Variants in FAM240A observed in about 807,000 individuals in gnomAD.
FAM240A encodes the protein protein FAM240A.
A neutral mutation model predicts 7.3 loss-of-function variants in FAM240A; 8 were observed. The observed-to-expected ratio is 1.09, with a 90% CI of 0.64 to 1.97. The LOEUF (loss-of-function observed/expected upper bound fraction) is 1.97, where lower values mean the gene tolerates loss of function less well. FAM240A is among the 30% of genes most tolerant of loss of function. The pLI is 0.00. For synonymous variants in FAM240A, 32 were observed against 35.9 expected (o/e 0.89, Z 0.38); for missense variants, 90 against 102.2 (o/e 0.88, Z 0.52).
Position 46,617,339 on chromosome 3 carries a change from T to C in FAM240A, c.161+11T>C, listed in dbSNP as rs1475109157. 6.6e-7 allele frequency: 1 copy of C among 1,510,762 alleles called. No individual in the cohort carries two copies. The highest frequency in any genetic ancestry group is 1.3e-5 in the South Asian group (1 of 79,136). 93.6% of individuals were successfully genotyped at this position (1,510,762 alleles called of 1,614,324 possible). ...AAGCGCACTGAGAAAGTATGTGGCT[T>C]GTTTGTCTACTTTTTAGAATTAATT... On this transcript the variant is annotated intron_variant, in intron 2 of 2. Coordinates refer to ENST00000640551, the MANE Select transcript of FAM240A (RefSeq NM_001195442.2).
rs1306087056 is a variant in FAM240A, at chr3:46,625,113, G to A, written c.162-15G>A. 16 of 1,523,990 alleles carry A rather than the reference G, an allele frequency of 1.0e-5. No individual in the cohort carries two copies. Among genetic ancestry groups the A allele is most frequent in the South Asian group, 1.2e-5 (1 of 83,744 alleles). 94.4% of individuals were successfully genotyped at this position (1,523,990 alleles called of 1,614,324 possible). A position where few individuals can be genotyped will look rare whatever the true frequency, so the allele number is the denominator to read the frequency against. The stretch of plus-strand genomic sequence containing the variant: ...AAATGAATGCTCCATCTGTGTGTTT[G>A]GTTTCTATTTTCAGGCTCAGAGAAG... On this transcript the variant is annotated splice_polypyrimidine_tract_variant and intron_variant, in intron 2 of 2. Coordinates refer to ENST00000640551, the MANE Select transcript of FAM240A (RefSeq NM_001195442.2).
At chr3:46,613,537 A>G (rs991045142) in intron 1 of FAM240A, among the ~76,000 whole-genome samples, 4 of 152,126 alleles carry the variant, frequency 2.6e-5, no homozygotes, top group Admixed American at 6.5e-5. Flanking sequence ...AAAACAAGAC[A>G]CAGAACATTT....
rs111864834 is a variant in FAM240A at position 46,615,850 on chromosome 3, G to GCACACACACA, written c.16-1323_16-1314dup. Among the ~76,000 whole-genome samples the GCACACACACA allele has an allele frequency of 5.5e-3, 827 of 150,334 alleles. 7 individuals carry two copies. The highest frequency in any genetic ancestry group is 0.019 in the African/African-American group (765 of 41,022). On this transcript the variant is annotated intron_variant, in intron 1 of 2. Transcript: ENST00000640551. ...CACACAAGAGCCCACATGTGTGCACGCACACACACACACACACACCTCAAA... is the reference window on the plus strand; with the variant it reads ...CACACAAGAGCCCACATGTGTGCACGCACACACACACACACACACACACACACACCTCAAA...
In FAM240A at chr3:46,625,892, C is replaced by T. The variant is rs1271000089; in HGVS notation, c.*674C>T. On this transcript the variant is annotated 3_prime_UTR_variant, in exon 3 of 3. Coordinates refer to ENST00000640551, the MANE Select transcript of FAM240A (RefSeq NM_001195442.2). ...TTATTTTAATCTCTGCATGTTTACA[C>T]TGGTTGGCTCTCTGTCAGCCCAGCC... The T allele has an allele frequency of 6.6e-6, 1 of 152,196 alleles. No individual in the cohort carries two copies. The highest frequency in any genetic ancestry group is 1.9e-4 in the East Asian group (1 of 5,200). 9.4% of individuals were successfully genotyped at this position (152,196 alleles called of 1,614,324 possible). A position where few individuals can be genotyped will look rare whatever the true frequency, so the allele number is the denominator to read the frequency against.
At chr3:46,624,982 T>TA in intron 2 of FAM240A, 146 bp from the exon 3 acceptor site, 2 of 227,998 alleles carry the variant, frequency 8.8e-6, no homozygotes, top group African/African-American at 2.3e-5. Context: ...TATATATATA[T>TA]TTAAACTTGC....
At chr3:46,619,590 G>T (rs1029741422) in intron 2 of FAM240A, among the ~76,000 whole-genome samples, 1 of 152,196 alleles carries the variant, frequency 6.6e-6, no homozygotes, top group Non-Finnish European at 1.5e-5. Context: ...GGATCTGAGC[G>T]TTTCTTTCTG....
At position 46,625,418 on chromosome 3, in the gene FAM240A, C is replaced by T. The variant is rs1467091255; in HGVS notation, c.*200C>T. On this transcript the variant is annotated 3_prime_UTR_variant, in exon 3 of 3. Coordinates refer to ENST00000640551, the MANE Select transcript of FAM240A (RefSeq NM_001195442.2). The stretch of plus-strand genomic sequence containing the variant: ...GCCAAGTCAGTCCTCTGTGCATGGG[C>T]GCCAGGTTATTATCCCAAATGTCTC... The T allele has an allele frequency of 3.6e-5, 13 of 359,426 alleles. No homozygotes were observed. The highest frequency in any genetic ancestry group is 9.1e-5 in the Admixed American group (2 of 21,930). 22.3% of individuals were successfully genotyped at this position (359,426 alleles called of 1,614,324 possible).
intron 1 of FAM240A, among the ~76,000 whole-genome samples, chr3:46,612,958 C>T (rs1250336769): frequency 2.0e-5 from 3 of 152,202 alleles, no homozygotes; most frequent in East Asian, 1.9e-4. Context: ...ACCAGGAAAC[C>T]GAAACACAAA....
chr3:46,612,969 TACTC>T (rs1244496115), intron 1 of FAM240A, among the ~76,000 whole-genome samples: 1 of 152,136 alleles, frequency 6.6e-6, no homozygotes, highest in Non-Finnish European at 1.5e-5. Context: ...GAAACACAAA[TACTC>T]ACGGAAACAC....
At chr3:46,612,835 T>C in intron 1 of FAM240A, 137 bp downstream of exon 1, 1 of 711,640 alleles carries the variant, frequency 1.4e-6, no homozygotes, top group South Asian at 1.7e-5. Flanking sequence ...GATGGCGTTT[T>C]GGGCAGAGGG....
intron 1 of FAM240A, among the ~76,000 whole-genome samples, chr3:46,613,460 A>G (rs978616377): frequency 6.6e-6 from 1 of 150,954 alleles, no homozygotes; most frequent in Admixed American, 6.6e-5. Context: ...TGCCACTGCA[A>G]TCCAGCCTGG....
chr3:46,617,590 G>A (rs1697645810), intron 2 of FAM240A, among the ~76,000 whole-genome samples: 1 of 152,114 alleles, frequency 6.6e-6, no homozygotes, highest in Non-Finnish European at 1.5e-5. Context: ...TGCCAGATGG[G>A]CATCTTAGAG....
At chr3:46,615,333 C>CCTCCTCCT (rs1460688039) in intron 1 of FAM240A, among the ~76,000 whole-genome samples, 2 of 127,130 alleles carry the variant, frequency 1.6e-5, no homozygotes. Flanking sequence ...TCCCCATAGC[C>CCTCCTCCT]CTCCTCCTCC....
intron 1 of FAM240A, among the ~76,000 whole-genome samples, chr3:46,613,426 G>A (rs913107579): frequency 6.6e-6 from 1 of 151,880 alleles, no homozygotes; most frequent in African/African-American, 2.4e-5. Flanking sequence ...CCCAGGAGGT[G>A]GAGGTTGCAG....
chr3:46,625,031 T>C (rs9829227), intron 2 of FAM240A, 97 bp from the exon 3 acceptor site: 73,825 of 748,304 alleles, frequency 0.099, 4,925 homozygotes, highest in East Asian at 0.33. Context: ...AACACATACA[T>C]GCAATTTCAG....
At chr3:46,618,377 C>T (rs1697653939) in intron 2 of FAM240A, among the ~76,000 whole-genome samples, 1 of 152,168 alleles carries the variant, frequency 6.6e-6, no homozygotes, top group South Asian at 2.1e-4. Context: ...CTATGCCACT[C>T]AGAGTCCTGT....
intron 2 of FAM240A, among the ~76,000 whole-genome samples, chr3:46,624,806 T>C (rs1697737922): frequency 6.6e-6 from 1 of 152,038 alleles, no homozygotes. Context: ...TGTTGAAAGA[T>C]AGGTTTGCTG....
At chr3:46,625,044 G>T in intron 2 of FAM240A, 84 bp from the exon 3 acceptor site, 15 of 954,856 alleles carry the variant, frequency 1.6e-5, no homozygotes, top group Non-Finnish European at 2.4e-5. Context: ...AATTTCAGGG[G>T]CTGGGAGGAC....
intron 2 of FAM240A, among the ~76,000 whole-genome samples, chr3:46,622,488 G>A (rs1192969724): frequency 6.6e-6 from 1 of 152,074 alleles, no homozygotes; most frequent in Non-Finnish European, 1.5e-5. Context: ...ATTGTCTTCT[G>A]TTTTATTTCT....
Sources: allele counts gnomAD v4.1 joint callset (sites outside exome capture counted in the v4.1 genomes callset), GRCh38; gene constraint gnomAD v4.1.1; transcripts MANE v1.5; gene names NCBI Gene and HGNC (gene_info 2026-07-23, HGNC 2026-07-21).